Variants in CDH12 observed in about 807,000 individuals in gnomAD.
CDH12 encodes cadherin-12.
CDH12 carries 41 observed loss-of-function variants against 74.1 expected under a neutral mutation model. That is an observed-to-expected ratio of 0.55 (90% CI 0.43 to 0.72). CDH12 has a LOEUF of 0.72. Among genes scored for constraint, CDH12 ranks in the 30% least tolerant of loss-of-function variants. CDH12 has a pLI of 0.00. For synonymous variants in CDH12, 399 were observed against 355.0 expected, an observed-to-expected ratio of 1.12 and a Z score of -1.39; for missense variants, 945 against 977.2, an observed-to-expected ratio of 0.97 and a Z score of 0.44.
rs187910570 is a variant in CDH12, at chr5:22,852,288, C to T, written c.-523+770G>A. 8.9e-3 allele frequency among the ~76,000 whole-genome samples: 1,354 copies of T among 151,882 alleles called. 8 individuals are homozygous for T. The highest frequency in any genetic ancestry group is 0.015 in the Non-Finnish European group (1,042 of 67,894). On this transcript the variant is annotated intron_variant, in intron 1 of 14. Coordinates refer to ENST00000382254, the MANE Select transcript of CDH12 (RefSeq NM_004061.5). ...TAAATACACTGTGGTCCCGATGTAG[C>T]AAAAAACAAATAATGATGTTAAAAA...
At chr5:22,511,076 G>T (rs569467561) in intron 1 of CDH12, among the ~76,000 whole-genome samples, 1 of 151,878 alleles carries the variant, frequency 6.6e-6, no homozygotes, top group South Asian at 2.1e-4. Context: ...TGTATTTTTA[G>T]TACAGACAGG....
intron 6 of CDH12, among the ~76,000 whole-genome samples, chr5:21,967,216 G>A (rs949239670): frequency 8.5e-5 from 13 of 152,144 alleles, no homozygotes; most frequent in African/African-American, 1.4e-4. Context: ...AGGGTTTTAC[G>A]GAGGTGCAAC....
At chr5:21,892,963 T>A (rs1219760394) in intron 6 of CDH12, among the ~76,000 whole-genome samples, 1 of 152,196 alleles carries the variant, frequency 6.6e-6, no homozygotes, top group Non-Finnish European at 1.5e-5. Flanking sequence ...CCAGCAAAGC[T>A]TCACGTACAA....
At chr5:22,618,051 A>G (rs1737777952) in intron 1 of CDH12, among the ~76,000 whole-genome samples, 1 of 152,170 alleles carries the variant, frequency 6.6e-6, no homozygotes, top group Admixed American at 6.6e-5. Flanking sequence ...AGTTTGCTAT[A>G]AAGAATCTGA....
At chr5:22,202,580 T>C (rs1311202476) in intron 4 of CDH12, among the ~76,000 whole-genome samples, 4 of 152,144 alleles carry the variant, frequency 2.6e-5, no homozygotes, top group Admixed American at 2.6e-4. Context: ...ACTTTGATTA[T>C]CCAGCAAGAG....
chr5:21,798,719 C>T (rs76809641), intron 10 of CDH12, among the ~76,000 whole-genome samples: 4,580 of 151,726 alleles, frequency 0.03, 164 homozygotes, highest in East Asian at 0.15. Flanking sequence ...TGACTTTCTG[C>T]TGAATAGAAA....
chr5:22,715,941 A>G (rs1743553183), intron 1 of CDH12, among the ~76,000 whole-genome samples: 1 of 152,084 alleles, frequency 6.6e-6, no homozygotes, highest in Admixed American at 6.6e-5. Flanking sequence ...GTTCAAGATG[A>G]GCCTGGCCCA....
rs115953804 is a variant in CDH12 at position 22,841,728 on chromosome 5, C to G, written c.-523+11330G>C. On this transcript the variant is annotated intron_variant, in intron 1 of 14. Coordinates refer to ENST00000382254, the MANE Select transcript of CDH12 (RefSeq NM_004061.5). Reference sequence around the variant, plus strand: ...GTCATGTGGGCATCTGAAAATCCAACTTTAAGAACTGTGTTGAGGAGGAGG... The same window carrying G: ...GTCATGTGGGCATCTGAAAATCCAAGTTTAAGAACTGTGTTGAGGAGGAGG... Among the ~76,000 whole-genome samples, 889 of 152,228 alleles carry G rather than the reference C, an allele frequency of 5.8e-3. 6 individuals are homozygous for G. The highest frequency in any genetic ancestry group is 0.02 in the African/African-American group (836 of 41,534).
intron 3 of CDH12, among the ~76,000 whole-genome samples, chr5:22,295,890 G>A (rs2150416236): frequency 1.3e-5 from 2 of 152,082 alleles, no homozygotes; most frequent in African/African-American, 4.8e-5. Context: ...GGAAATAAGA[G>A]AAACATTAGA....
At chr5:22,633,337 A>G (rs552705787) in intron 1 of CDH12, among the ~76,000 whole-genome samples, 5 of 152,210 alleles carry the variant, frequency 3.3e-5, no homozygotes, top group South Asian at 2.1e-4. Flanking sequence ...TAAAAGTGCA[A>G]TGGATTCTTG....
intron 7 of CDH12, among the ~76,000 whole-genome samples, chr5:21,844,763 C>G (rs149500318): frequency 4.6e-5 from 7 of 152,042 alleles, no homozygotes; most frequent in Admixed American, 1.3e-4. Context: ...TGGCAAATAA[C>G]CAGAAAAAAA....
At chr5:22,253,631 T>C (rs1753207039) in intron 3 of CDH12, among the ~76,000 whole-genome samples, 1 of 151,882 alleles carries the variant, frequency 6.6e-6, no homozygotes, top group South Asian at 2.1e-4. Context: ...ACTTCTTGCC[T>C]TTCTCAACAT....
intron 6 of CDH12, among the ~76,000 whole-genome samples, chr5:21,902,421 T>C (rs1461065721): frequency 1.3e-5 from 2 of 152,078 alleles, no homozygotes; most frequent in African/African-American, 2.4e-5. Context: ...TTAAGTACCA[T>C]GCAGAGAGTT....
At chr5:22,602,508 T>C (rs1416122049) in intron 1 of CDH12, among the ~76,000 whole-genome samples, 1 of 152,136 alleles carries the variant, frequency 6.6e-6, no homozygotes, top group Non-Finnish European at 1.5e-5. Context: ...TGTCAACTAT[T>C]CATTGTTTTC....
chr5:22,660,531 C>T (rs1238564223), intron 1 of CDH12, among the ~76,000 whole-genome samples: 1 of 152,182 alleles, frequency 6.6e-6, no homozygotes, highest in Non-Finnish European at 1.5e-5. Flanking sequence ...CTCGTCTCAG[C>T]CCCCGGAGTA....
intron 1 of CDH12, among the ~76,000 whole-genome samples, chr5:22,695,918 T>C (rs1264617285): frequency 2.0e-5 from 3 of 152,212 alleles, no homozygotes. Flanking sequence ...TATTTACTAT[T>C]CTAATTAGCC....
intron 6 of CDH12, among the ~76,000 whole-genome samples, chr5:21,932,297 A>C (rs906572639): frequency 1.1e-4 from 17 of 152,326 alleles, no homozygotes; most frequent in African/African-American, 4.1e-4. Context: ...AGCAAACTTC[A>C]ATGTTTCATT....
At chr5:22,608,947 C>G (rs1229950716) in intron 1 of CDH12, among the ~76,000 whole-genome samples, 1 of 152,064 alleles carries the variant, frequency 6.6e-6, no homozygotes, top group Non-Finnish European at 1.5e-5. Context: ...GGTGTGAGGA[C>G]AGACTAATAC....
intron 1 of CDH12, among the ~76,000 whole-genome samples, chr5:22,514,649 T>C (rs995216330): frequency 6.2e-4 from 94 of 152,368 alleles, no homozygotes; most frequent in African/African-American, 2.1e-3. Context: ...GAATTTAATT[T>C]ACATTATTTG....
Sources: gnomAD v4.1 joint callset for allele counts (sites outside exome capture counted in the v4.1 genomes callset) on GRCh38, gnomAD v4.1.1 for gene constraint, MANE v1.5 for transcripts, NCBI Gene and HGNC (gene_info 2026-07-23, HGNC 2026-07-21) for gene names.